Variants in PLEKHA1 observed in about 807,000 individuals in gnomAD.
PLEKHA1 encodes pleckstrin homology domain-containing family A member 1.
A neutral mutation model predicts 52.0 loss-of-function variants in PLEKHA1; 34 were observed. The observed-to-expected ratio is 0.65, with a 90% CI of 0.50 to 0.87. The LOEUF (loss-of-function observed/expected upper bound fraction) is 0.87. Ranked by LOEUF, PLEKHA1 falls within the 40% of genes least tolerant of loss-of-function variation. The pLI, the probability that PLEKHA1 is intolerant of heterozygous loss-of-function variation, is 0.00. For synonymous variants in PLEKHA1, 163 were observed against 170.7 expected, an observed-to-expected ratio of 0.95 and a Z score of 0.35; for missense variants, 497 against 504.2, an observed-to-expected ratio of 0.99 and a Z score of 0.14.
chr10:122,381,048 T>C (rs2096607828), intron 1 of PLEKHA1, among the ~76,000 whole-genome samples: 1 of 152,200 alleles, frequency 6.6e-6, no homozygotes, highest in South Asian at 2.1e-4. Flanking sequence ...TAAACTAATA[T>C]TTAGGTATTT....
Position 122,429,795 on chromosome 10 carries a change from G to GT in PLEKHA1, c.1073dup (p.Gln359ProfsTer14). On this transcript the variant is annotated frameshift_variant, in exon 12 of 12. Transcript: ENST00000368990. LOFTEE classifies it high-confidence loss of function. Reference sequence around the variant, plus strand: ...CAAGGTCAAGCCAGGGAACTTCAAGGTCCAGACTGTCTCTCCAAGAGAACC... The same window carrying GT: ...CAAGGTCAAGCCAGGGAACTTCAAGGTTCCAGACTGTCTCTCCAAGAGAACC... 6.2e-7 allele frequency: 1 copy of GT among 1,614,174 alleles called. No homozygotes were observed. Among genetic ancestry groups the GT allele is most frequent in the Non-Finnish European group, 8.5e-7 (1 of 1,180,038 alleles).
At chr10:122,415,539 A>T (rs2097162096) in intron 6 of PLEKHA1, among the ~76,000 whole-genome samples, 1 of 152,226 alleles carries the variant, frequency 6.6e-6, no homozygotes, top group Non-Finnish European at 1.5e-5. Flanking sequence ...GAAACTAGTG[A>T]AAGGGTACAT....
At chr10:122,428,646 A>C (rs2097374545) in intron 11 of PLEKHA1, among the ~76,000 whole-genome samples, 2 of 152,048 alleles carry the variant, frequency 1.3e-5, no homozygotes, top group Non-Finnish European at 2.9e-5. Context: ...TTAAGATACA[A>C]TACTTACGAA....
chr10:122,406,440 T>C, intron 4 of PLEKHA1, 136 bp from the exon 5 acceptor site: 1 of 693,242 alleles, frequency 1.4e-6, no homozygotes. Flanking sequence ...AAAGCTGTAT[T>C]ACATGTGGTC....
At chr10:122,395,692 G>C (rs2096840967) in intron 2 of PLEKHA1, among the ~76,000 whole-genome samples, 2 of 152,072 alleles carry the variant, frequency 1.3e-5, no homozygotes, top group African/African-American at 4.8e-5. Flanking sequence ...AAGAAAATTA[G>C]TTTGATTCCT....
chr10:122,413,044 A>G lies in PLEKHA1; in HGVS notation c.467A>G (p.Gln156Arg). 2 of 1,611,204 alleles carry G rather than the reference A, an allele frequency of 1.2e-6. No homozygotes were observed. Among genetic ancestry groups the G allele is most frequent in the South Asian group, 1.1e-5 (1 of 90,548 alleles). The change falls in exon 6 of 12, where the codon CAG becomes CGG. Residue 156 changes from glutamine to arginine, a missense_variant and splice_region_variant. Physicochemically the swap from Gln to Arg is conservative, Grantham distance 43. Coordinates refer to ENST00000368990, the MANE Select transcript of PLEKHA1 (RefSeq NM_001001974.4). ...GGCGTACCCATCATTACTCCCACTC[A>G]GGTAATTAAGTAACTCTTCTATTGT... The part of the protein sequence containing the change: ...VGGVPIITPT[Q>R]KEEVNECGES...
chr10:122,409,867 G>A (rs1370770744), intron 5 of PLEKHA1, among the ~76,000 whole-genome samples: 5 of 150,852 alleles, frequency 3.3e-5, no homozygotes, highest in Non-Finnish European at 7.4e-5. Context: ...TGCAGCCTCC[G>A]CCACCGGGGT....
chr10:122,428,226 C>T (rs2097368290), intron 11 of PLEKHA1: 3 of 1,438,622 alleles, frequency 2.1e-6, no homozygotes, highest in Middle Eastern at 2.0e-4. Context: ...CTTTTCCTCC[C>T]TCTACCCAGT....
At chr10:122,399,516 GTCTTAA>G (rs1355180552) in intron 3 of PLEKHA1, among the ~76,000 whole-genome samples, 3 of 152,128 alleles carry the variant, frequency 2.0e-5, no homozygotes, top group African/African-American at 4.8e-5. Context: ...GCAGATTAAT[GTCTTAA>G]TCTTAATTAT....
At chr10:122,409,936 C>G (rs935624537) in intron 5 of PLEKHA1, among the ~76,000 whole-genome samples, 1 of 152,082 alleles carries the variant, frequency 6.6e-6, no homozygotes, top group Non-Finnish European at 1.5e-5. Context: ...TGTGTGCCAC[C>G]ACAGCCAGCT....
intron 5 of PLEKHA1, among the ~76,000 whole-genome samples, chr10:122,406,958 C>T (rs1405353429): frequency 4.6e-5 from 7 of 152,160 alleles, no homozygotes; most frequent in African/African-American, 9.7e-5. Flanking sequence ...GCGCTTAGCA[C>T]GTAGAGTTCT....
intron 6 of PLEKHA1, among the ~76,000 whole-genome samples, chr10:122,414,162 A>C (rs921717628): frequency 6.6e-6 from 1 of 152,122 alleles, no homozygotes; most frequent in Non-Finnish European, 1.5e-5. Context: ...TCTGGTTACT[A>C]TGTACCTAGA....
chr10:122,421,336 A>AT (rs1202643133), intron 8 of PLEKHA1: 1 of 152,206 alleles, frequency 6.6e-6, no homozygotes, highest in Non-Finnish European at 1.5e-5. Context: ...TGCAATCTTC[A>AT]TAGAGTGAAG....
intron 8 of PLEKHA1, chr10:122,421,741 T>TA (rs1262093320): frequency 1.3e-5 from 2 of 152,108 alleles, no homozygotes; most frequent in South Asian, 2.1e-4. Flanking sequence ...TTAAAATATT[T>TA]AAAAAAATTC....
In PLEKHA1 at chr10:122,406,620, C is replaced by G. The variant is rs763570458; in HGVS notation, c.289C>G (p.Gln97Glu). 31 of 1,613,256 alleles carry G rather than the reference C, an allele frequency of 1.9e-5. No individual in the cohort carries two copies. The East Asian group carries it at 6.0e-4, about 31-fold the overall frequency. Reference protein sequence around the residue: ...MRKYFLQANDQQDLVEWVNVL... With the variant: ...MRKYFLQANDEQDLVEWVNVL... ...GAAGTACTTCCTACAAGCCAATGAT[C>G]AGCAGGACCTAGTGGAATGGGTAAA... Residue 97 changes from glutamine to glutamate, a missense_variant, in exon 5 of 12, where the codon CAG (glutamine) becomes GAG (glutamate). By Grantham distance (29) the Gln-to-Glu change is conservative. Transcript: ENST00000368990.
chr10:122,429,875 T>C lies in PLEKHA1; in HGVS notation c.1152T>C (p.Pro384=). Residue 384 remains proline (P), a synonymous_variant, in exon 12 of 12, where the codon CCT becomes CCC. Coordinates refer to ENST00000368990, the MANE Select transcript of PLEKHA1 (RefSeq NM_001001974.4). The part of the protein sequence containing the change: ...ALLRPQSKNG[P]QEKDCDLVDL... ...TAAGACCTCAAAGTAAAAATGGCCC[T>C]CAGGAAAAAGATTGTGACCTAGTAG... The C allele has an allele frequency of 6.2e-7, 1 of 1,614,136 alleles. No individual in the cohort carries two copies. Among genetic ancestry groups the C allele is most frequent in the South Asian group, 1.1e-5 (1 of 91,080 alleles).
intron 4 of PLEKHA1, among the ~76,000 whole-genome samples, chr10:122,404,837 T>C (rs1012032579): frequency 1.3e-5 from 2 of 152,184 alleles, no homozygotes; most frequent in African/African-American, 4.8e-5. Context: ...GTTTAGAGTG[T>C]TTTGGTCTCA....
intron 7 of PLEKHA1, chr10:122,416,999 T>C (rs1353815647): frequency 1.3e-5 from 2 of 154,208 alleles, no homozygotes; most frequent in South Asian, 2.1e-4. Context: ...GATGCTCAGT[T>C]GTGTGTAGAT....
At chr10:122,415,764 C>T (rs1365590741) in intron 6 of PLEKHA1, 95 bp from the exon 7 acceptor site, 1 of 1,186,694 alleles carries the variant, frequency 8.4e-7, no homozygotes, top group Non-Finnish European at 1.2e-6. Context: ...TCTGACTAAT[C>T]TAAGGTGGAT....
Sources: gnomAD v4.1 joint callset for allele counts (sites outside exome capture counted in the v4.1 genomes callset) on GRCh38, gnomAD v4.1.1 for gene constraint, MANE v1.5 for transcripts, NCBI Gene and HGNC (gene_info 2026-07-23, HGNC 2026-07-21) for gene names.